The following DNAH10 variants were observed in gnomAD, a reference collection of about 807,000 sequenced individuals.
DNAH10 encodes the protein axonemal beta dynein heavy chain 10.
Under a neutral mutation model 506.6 loss-of-function variants are expected in DNAH10, and 348 were observed. The observed-to-expected ratio is 0.69, with a 90% CI of 0.63 to 0.75. The LOEUF is 0.75. Ranked by LOEUF, DNAH10 falls within the 30% of genes least tolerant of loss-of-function variation. The pLI, the probability that DNAH10 is intolerant of heterozygous loss-of-function variation, is 0.00. For missense variants in DNAH10, 5,179 were observed against 5,787.1 expected, an observed-to-expected ratio of 0.89 and a Z score of 3.41; for synonymous variants, 2,059 against 2,198.6, an observed-to-expected ratio of 0.94 and a Z score of 1.78.
In DNAH10 at chr12:123,833,361, T is replaced by C. The variant is rs1468592652; in HGVS notation, c.4779+14T>C. ...GAAGTCATTGAGGTGAGAGAAAAGA[T>C]GAACAAAAGATGGATTAGAGCCAGT... On this transcript the variant is annotated intron_variant, in intron 27 of 78. Coordinates refer to ENST00000673944, the MANE Select transcript of DNAH10 (RefSeq NM_001372106.1). 5.6e-6 allele frequency: 9 copies of C among 1,596,006 alleles called. No individual in the cohort carries two copies. The highest frequency in any genetic ancestry group is 7.7e-6 in the Non-Finnish European group (9 of 1,168,882).
chr12:123,920,380 G>C (rs1954672009), intron 65 of DNAH10, among the ~76,000 whole-genome samples: 1 of 152,274 alleles, frequency 6.6e-6, no homozygotes, highest in South Asian at 2.1e-4. Flanking sequence ...CACTTCTGCA[G>C]TTGTGTGCCA....
rs201770485 is a variant in DNAH10, at chr12:123,914,302, G to A, written c.10353-27G>A. 189 of 1,576,576 alleles carry A rather than the reference G, an allele frequency of 1.2e-4. 1 individual carries two copies. The highest frequency in any genetic ancestry group is 8.8e-4 in the African/African-American group (64 of 72,414). ...GGTTGTGGCCAGAAGGTAAACTCAC[G>A]GCAGCCTCCCTCTCCTCCCGTGCCA... On this transcript the variant is annotated intron_variant, in intron 60 of 78. Coordinates refer to ENST00000673944, the MANE Select transcript of DNAH10 (RefSeq NM_001372106.1).
intron 28 of DNAH10, among the ~76,000 whole-genome samples, chr12:123,836,583 C>G (rs562943182): frequency 6.6e-6 from 1 of 152,190 alleles, no homozygotes; most frequent in African/African-American, 2.4e-5. Context: ...TCTCAAAGCC[C>G]GGGTATTTTG....
intron 13 of DNAH10, among the ~76,000 whole-genome samples, chr12:123,797,861 G>A (rs1369265742): frequency 6.6e-6 from 1 of 152,174 alleles, no homozygotes; most frequent in African/African-American, 2.4e-5. Context: ...TATAGCAGAG[G>A]CTGGTAAGCC....
rs1953324514 is a variant in DNAH10, at chr12:123,897,834, C to T, written c.9345C>T (p.His3115=). The T allele has an allele frequency of 1.2e-6, 2 of 1,612,040 alleles. No individual in the cohort carries two copies. The highest frequency in any genetic ancestry group is 1.1e-5 in the South Asian group (1 of 90,306). ...TGGTGAAGCATGTTGTCTTGGTTCACCAATCCGTGGACCACTACAGCCAAC... is the reference window on the plus strand; with the variant it reads ...TGGTGAAGCATGTTGTCTTGGTTCATCAATCCGTGGACCACTACAGCCAAC... ...ENVVKHVVLV[H]QSVDHYSQQF... The change falls in exon 55 of 79, where the codon CAC becomes CAT. Residue 3115 remains histidine (H), a synonymous_variant. Transcript: ENST00000673944.
intron 40 of DNAH10, among the ~76,000 whole-genome samples, chr12:123,865,438 T>C (rs186411366): frequency 6.6e-5 from 10 of 152,312 alleles, no homozygotes; most frequent in Admixed American, 5.9e-4. Flanking sequence ...AACTGTAAAA[T>C]TTGTCAGTGC....
chr12:123,790,365 A>G (rs1487515308), intron 11 of DNAH10, among the ~76,000 whole-genome samples: 1 of 152,238 alleles, frequency 6.6e-6, no homozygotes, highest in Non-Finnish European at 1.5e-5. Flanking sequence ...TAGACACAGT[A>G]GCATTTCTAC....
chr12:123,797,533 C>T (rs1476587781), intron 13 of DNAH10, among the ~76,000 whole-genome samples: 1 of 152,128 alleles, frequency 6.6e-6, no homozygotes, highest in East Asian at 1.9e-4. Context: ...GCGGGGCCTA[C>T]AGGTGTGGGC....
rs770025330 is a variant in DNAH10 at position 123,916,575 on chromosome 12, T to C, written c.10841T>C (p.Leu3614Ser). ...ATCGATCCTGTGATTGACAACGTCT[T>C]AGAAAAAAATATAAAAGTCTCCCAA... ...EYIDPVIDNV[L>S]EKNIKVSQGR... The change falls in exon 63 of 79, where the codon TTA (leucine) becomes TCA (serine). Residue 3614 changes from leucine to serine, a missense_variant. Around this residue, in one of 3 missense-constraint regions of DNAH10, gnomAD observed 4,844 missense variants for 5,430.5 expected, o/e 0.89. Transcript: ENST00000673944. This position sits in a 1 kb window ranked among gnomAD's most constrained non-coding sequence, Gnocchi z 4.6. 35 of 1,613,758 alleles carry C rather than the reference T, an allele frequency of 2.2e-5. No homozygotes were observed. The highest frequency in any genetic ancestry group is 2.9e-5 in the Non-Finnish European group (34 of 1,179,886).
chr12:123,777,878 G>C (rs1032969398), intron 5 of DNAH10, among the ~76,000 whole-genome samples: 2 of 151,918 alleles, frequency 1.3e-5, no homozygotes, highest in Non-Finnish European at 2.9e-5. Context: ...GCCAAGGCTG[G>C]TCTCAAACTC....
intron 55 of DNAH10, 128 bp downstream of exon 55, chr12:123,898,095 T>G: frequency 1.1e-6 from 1 of 910,710 alleles, no homozygotes; most frequent in South Asian, 2.1e-5. Context: ...ACATCTTGGA[T>G]TTTGTGTCTT....
chr12:123,933,276 C>T, intron 76 of DNAH10, 55 bp from the exon 77 acceptor site: 2 of 1,358,284 alleles, frequency 1.5e-6, no homozygotes, highest in Admixed American at 3.3e-5. Flanking sequence ...CCAGCTTTGA[C>T]CTGGCATTGG....
At chr12:123,887,087 C>T (rs1223362044) in intron 51 of DNAH10, 55 bp from the exon 52 acceptor site, 2 of 1,529,642 alleles carry the variant, frequency 1.3e-6, no homozygotes, top group Non-Finnish European at 1.8e-6. Flanking sequence ...CCGGAGCCCG[C>T]AGGGAAGGGA....
At chr12:123,934,334 G>A (rs1330831556) in intron 77 of DNAH10, 3 of 674,570 alleles carry the variant, frequency 4.4e-6, no homozygotes, top group East Asian at 2.7e-5. Context: ...CTAAGTCCGT[G>A]GGCCTTGATG....
chr12:123,818,912 A>G, intron 21 of DNAH10, 38 bp from the exon 22 acceptor site: 1 of 1,399,046 alleles, frequency 7.1e-7, no homozygotes, highest in Non-Finnish European at 9.9e-7. Flanking sequence ...ATTGCTCATC[A>G]TTTGTTGTTT....
chr12:123,768,188 G>A (rs1217309121), intron 2 of DNAH10, among the ~76,000 whole-genome samples: 1 of 151,974 alleles, frequency 6.6e-6, no homozygotes, highest in Non-Finnish European at 1.5e-5. Context: ...AAGCTGGAGT[G>A]TAATGGCGTG....
Position 123,787,722 on chromosome 12 carries a change from G to A in DNAH10, c.1422-82G>A. On this transcript the variant is annotated intron_variant, in intron 9 of 78. Transcript: ENST00000673944. The surrounding 1 kb of genome is among the most constrained non-coding windows in gnomAD (Gnocchi z 4.6). ...GGGCGCCCGGGTCAGAGCTTCACGGGACACTGGCTCCCCAGCCGGGGAGTG... is the reference window on the plus strand; with the variant it reads ...GGGCGCCCGGGTCAGAGCTTCACGGAACACTGGCTCCCCAGCCGGGGAGTG... The A allele has an allele frequency of 1.3e-6, 2 of 1,527,272 alleles. No individual in the cohort carries two copies. Among genetic ancestry groups the A allele is most frequent in the East Asian group, 2.3e-5 (1 of 42,876 alleles). The allele number at this position is 1,527,272 out of a possible 1,614,324, so 94.6% of individuals were successfully genotyped here. A position where few individuals can be genotyped will look rare whatever the true frequency, so the allele number is the denominator to read the frequency against.
At chr12:123,901,290 C>T (rs1293565172) in intron 56 of DNAH10, among the ~76,000 whole-genome samples, 1 of 152,214 alleles carries the variant, frequency 6.6e-6, no homozygotes, top group Admixed American at 6.5e-5. Context: ...ACCCCCCACC[C>T]CCGCGCCTCA....
intron 51 of DNAH10, among the ~76,000 whole-genome samples, chr12:123,885,103 C>A (rs1435348624): frequency 1.3e-5 from 2 of 152,286 alleles, no homozygotes; most frequent in South Asian, 4.1e-4. Context: ...GTGACCCCAT[C>A]GTTAAGTTGA....
Sources: gnomAD v4.1 joint callset for allele counts (sites outside exome capture counted in the v4.1 genomes callset) on GRCh38, gnomAD v4.1.1 for gene constraint, gnomAD v4.1.1 regional missense constraint, Gnocchi (gnomAD v3.1) non-coding constraint, MANE v1.5 for transcripts, NCBI Gene and HGNC (gene_info 2026-07-23, HGNC 2026-07-21) for gene names.